DCLK2: variants seen among roughly 807,000 people sequenced by gnomAD.
The protein encoded by DCLK2 is serine/threonine-protein kinase DCLK2.
DCLK2 carries 31 observed loss-of-function variants against 78.4 expected under a neutral mutation model. The ratio of observed to expected loss-of-function variants is 0.40; its 90% CI spans 0.30 to 0.53. The LOEUF is 0.53. DCLK2 is among the 20% of genes least tolerant of loss of function. The pLI is 0.61. For synonymous variants in DCLK2, 407 were observed against 374.9 expected (o/e 1.09, Z -0.99); for missense variants, 872 against 973.7 (o/e 0.90, Z 1.39).
chr4:150,111,187 AAGGTGGT>A (rs1434937551), intron 2 of DCLK2, among the ~76,000 whole-genome samples: 1 of 152,064 alleles, frequency 6.6e-6, no homozygotes, highest in Non-Finnish European at 1.5e-5. Context: ...TGGTAGGAGT[AAGGTGGT>A]AGGTATGTCA....
At chr4:150,086,259 T>C (rs1402362700) in intron 1 of DCLK2, among the ~76,000 whole-genome samples, 1 of 152,148 alleles carries the variant, frequency 6.6e-6, no homozygotes, top group East Asian at 1.9e-4. Context: ...GTAGATGCTT[T>C]AAAAAACCTT....
Position 150,079,465 on chromosome 4 carries a change from C to A in DCLK2, c.421+17C>A, listed in dbSNP as rs564292301. 1.7e-5 allele frequency: 25 copies of A among 1,464,156 alleles called. 2 individuals carry two copies. The Admixed American group carries it at 6.4e-4, about 38-fold the overall frequency. The allele number at this position is 1,464,156 out of a possible 1,614,324, so 90.7% of individuals were successfully genotyped here. ...TGCTGGAAGGTAGGAGGGGAGGGCG[C>A]CGCACGGCAGGTGCGGCGGAGCGCC... On this transcript the variant is annotated intron_variant, in intron 1 of 15. Coordinates refer to ENST00000296550, the MANE Select transcript of DCLK2 (RefSeq NM_001040260.4).
intron 1 of DCLK2, among the ~76,000 whole-genome samples, chr4:150,092,607 A>C (rs1024425638): frequency 6.6e-6 from 1 of 152,104 alleles, no homozygotes; most frequent in African/African-American, 2.4e-5. Flanking sequence ...TGAAATGTCT[A>C]TTCAGATCCT....
rs1553969065 is a variant in DCLK2 at position 150,208,400 on chromosome 4, GTTT to G, written c.1056+4514_1056+4516del. 3.2e-4 allele frequency among the ~76,000 whole-genome samples: 21 copies of G among 66,376 alleles called. No homozygotes were observed. The Admixed American group carries it at 3.3e-3, about 11-fold the overall frequency. 43.5% of individuals were successfully genotyped at this position (66,376 alleles called of 152,430 possible). ...ATGGAGAAACGGAGTTTTTTTTTTT[GTTT>G]TTGTTTTGTTTTGTTTTGTTTTGTT... is the stretch of plus-strand genomic sequence containing the variant. On this transcript the variant is annotated intron_variant, in intron 5 of 15. Transcript: ENST00000296550.
intron 2 of DCLK2, among the ~76,000 whole-genome samples, chr4:150,103,849 C>A (rs1033942498): frequency 8.6e-5 from 13 of 150,804 alleles, no homozygotes; most frequent in African/African-American, 2.9e-4. Context: ...AATAACATTT[C>A]TAATTAATTA....
At chr4:150,109,116 A>G (rs189036656) in intron 2 of DCLK2, among the ~76,000 whole-genome samples, 11 of 152,278 alleles carry the variant, frequency 7.2e-5, no homozygotes, top group African/African-American at 2.4e-4. Flanking sequence ...ACCTTTCTGG[A>G]ATCACATTTT....
At chr4:150,180,491 G>A (rs906059951) in intron 2 of DCLK2, among the ~76,000 whole-genome samples, 1 of 152,134 alleles carries the variant, frequency 6.6e-6, no homozygotes, top group Non-Finnish European at 1.5e-5. Flanking sequence ...GAGTCCTAGA[G>A]AGCATTTATT....
chr4:150,121,225 G>GAAGTTTACCTC (rs1732517688), intron 2 of DCLK2, among the ~76,000 whole-genome samples: 2 of 152,202 alleles, frequency 1.3e-5, no homozygotes, highest in East Asian at 1.9e-4. Context: ...ACACAAGAAT[G>GAAGTTTACCTC]TGTGATATGC....
At chr4:150,250,217 A>T (rs1743661564) in intron 15 of DCLK2, among the ~76,000 whole-genome samples, 1 of 152,222 alleles carries the variant, frequency 6.6e-6, no homozygotes, top group South Asian at 2.1e-4. Context: ...AGGGTTGGTA[A>T]CATTTTATGA....
intron 5 of DCLK2, 117 bp from the exon 6 acceptor site, chr4:150,220,586 C>T (rs1741110283): frequency 1.4e-6 from 1 of 734,326 alleles, no homozygotes; most frequent in Non-Finnish European, 2.3e-6. Context: ...AAAGGGAACG[C>T]CTCCTCGGTT....
chr4:150,206,560 A>G (rs1266658197), intron 5 of DCLK2, among the ~76,000 whole-genome samples: 1 of 152,032 alleles, frequency 6.6e-6, no homozygotes, highest in Non-Finnish European at 1.5e-5. Context: ...TCTTTTTCTT[A>G]TCTGTAAAAC....
rs1741335840 is a variant in DCLK2 at position 150,223,291 on chromosome 4, A to G, written c.1242-1210A>G. ...TAAGGACAAGTGATTCTTCCAAGCC[A>G]GGCCTCATGAGTGTGTACTACAACC... On this transcript the variant is annotated intron_variant, in intron 7 of 15. Transcript: ENST00000296550. Among the ~76,000 whole-genome samples the G allele has an allele frequency of 2.0e-5, 3 of 152,354 alleles. No homozygotes were observed. In the South Asian group the frequency reaches 6.2e-4, roughly 32 times the overall value.
intron 4 of DCLK2, chr4:150,198,877 G>A: frequency 1.8e-6 from 1 of 545,106 alleles, no homozygotes; most frequent in Non-Finnish European, 3.2e-6. Flanking sequence ...AAGTTTTTCA[G>A]ACATTCCACT....
chr4:150,204,943 G>C (rs1739740332), intron 5 of DCLK2, among the ~76,000 whole-genome samples: 5 of 151,756 alleles, frequency 3.3e-5, no homozygotes, highest in Admixed American at 3.3e-4. Flanking sequence ...TGTCTACATG[G>C]TAATGAATTC....
intron 2 of DCLK2, among the ~76,000 whole-genome samples, chr4:150,134,061 T>C (rs1314757093): frequency 6.6e-6 from 1 of 151,612 alleles, no homozygotes; most frequent in Non-Finnish European, 1.5e-5. Context: ...TGCATGTCAT[T>C]TTTGCGTATA....
intron 1 of DCLK2, among the ~76,000 whole-genome samples, chr4:150,099,406 A>G (rs1730705776): frequency 1.3e-5 from 2 of 152,196 alleles, no homozygotes; most frequent in African/African-American, 4.8e-5. Flanking sequence ...GGGAACCAAC[A>G]TCTTAAGTTC....
At chr4:150,253,248 C>G (rs753106663) in intron 15 of DCLK2, 2 of 536,832 alleles carry the variant, frequency 3.7e-6, no homozygotes, top group Non-Finnish European at 7.2e-6. Flanking sequence ...GTGGGGCCAA[C>G]CTGGTTTTCT....
intron 2 of DCLK2, among the ~76,000 whole-genome samples, chr4:150,106,228 T>G (rs952134296): frequency 6.6e-6 from 1 of 152,158 alleles, no homozygotes; most frequent in African/African-American, 2.4e-5. Context: ...ATAGGTGAAC[T>G]CGCTAATCTT....
intron 5 of DCLK2, among the ~76,000 whole-genome samples, chr4:150,220,201 G>T (rs1277334181): frequency 6.6e-6 from 1 of 152,160 alleles, no homozygotes; most frequent in Non-Finnish European, 1.5e-5. Flanking sequence ...ATAGAGTGCT[G>T]TCGATTTGGA....
Sources: gnomAD v4.1 joint callset for allele counts (sites outside exome capture counted in the v4.1 genomes callset) on GRCh38, gnomAD v4.1.1 for gene constraint, MANE v1.5 for transcripts, NCBI Gene and HGNC (gene_info 2026-07-23, HGNC 2026-07-21) for gene names.